MCM8: variants seen among roughly 807,000 people sequenced by gnomAD.
MCM8 encodes the protein minichromosome maintenance 8 homologous recombination repair factor.
Under a neutral mutation model 98.9 loss-of-function variants are expected in MCM8, and 85 were observed. The observed-to-expected ratio is 0.86, with a 90% CI of 0.72 to 1.03. MCM8 has a LOEUF of 1.03. Among genes scored for constraint, MCM8 ranks in the 50% least tolerant of loss-of-function variants. The pLI is 0.00. For missense variants in MCM8, 951 were observed against 997.8 expected (o/e 0.95, Z 0.63); for synonymous variants, 352 against 338.6 (o/e 1.04, Z -0.44).
At position 5,968,009 on chromosome 20, in the gene MCM8, T is replaced by C. The variant is rs1289468446; in HGVS notation, c.1207T>C (p.Phe403Leu). The C allele has an allele frequency of 6.2e-7, 1 of 1,608,742 alleles. No homozygotes were observed. The highest frequency in any genetic ancestry group is 1.7e-5 in the Admixed American group (1 of 58,774). The part of the protein sequence containing the change: ...IQEIQAEENL[F>L]KLIVNSLCPV... ...AGAGATTCAAGCTGAAGAAAACCTGTTTAAACTCATTGTCAAGTATGTATG... is the reference window on the plus strand; with the variant it reads ...AGAGATTCAAGCTGAAGAAAACCTGCTTAAACTCATTGTCAAGTATGTATG... The change falls in exon 10 of 19, where the codon TTT (phenylalanine) becomes CTT (leucine). Residue 403 changes from phenylalanine (F) to leucine (L), a missense_variant. By Grantham distance (22) the Phe-to-Leu change is conservative. Coordinates refer to ENST00000610722, the MANE Select transcript of MCM8 (RefSeq NM_032485.6).
intron 16 of MCM8, 91 bp downstream of exon 16, chr20:5,986,222 C>A: frequency 8.8e-7 from 1 of 1,138,162 alleles, no homozygotes; most frequent in Non-Finnish European, 1.3e-6. Flanking sequence ...GCATAATTGA[C>A]TCCATTTTCC....
intron 8 of MCM8, chr20:5,965,635 AC>A (rs1400847708): frequency 6.6e-6 from 1 of 152,210 alleles, no homozygotes; most frequent in Non-Finnish European, 1.5e-5. Context: ...AATGAAAATG[AC>A]TCAAGCATCA....
intron 5 of MCM8, among the ~76,000 whole-genome samples, chr20:5,956,504 C>A (rs117921196): frequency 0.035 from 5,327 of 152,250 alleles, 126 homozygotes; most frequent in Middle Eastern, 0.1. Flanking sequence ...TGCCTCATTG[C>A]AGCCTCAGCC....
chr20:5,954,788 C>A, intron 4 of MCM8, 98 bp downstream of exon 4: 1 of 741,376 alleles, frequency 1.3e-6, no homozygotes. Context: ...AGTCAGACTT[C>A]CTTGGTTCAG....
intron 17 of MCM8, among the ~76,000 whole-genome samples, chr20:5,988,455 C>G (rs991352759): frequency 6.7e-6 from 1 of 149,636 alleles, no homozygotes; most frequent in East Asian, 2.0e-4. Flanking sequence ...GAGCAAGACT[C>G]TGTCTCAAAA....
At chr20:5,959,369 T>G (rs2089076624) in intron 7 of MCM8, among the ~76,000 whole-genome samples, 1 of 152,268 alleles carries the variant, frequency 6.6e-6, no homozygotes, top group Non-Finnish European at 1.5e-5. Context: ...TTGGCATGTA[T>G]TCTTCAAGTT....
At chr20:5,973,708 G>A (rs2089452161) in intron 12 of MCM8, among the ~76,000 whole-genome samples, 1 of 151,576 alleles carries the variant, frequency 6.6e-6, no homozygotes, top group African/African-American at 2.4e-5. Flanking sequence ...AGGCTGGAGT[G>A]CAGTGGCATG....
intron 14 of MCM8, 152 bp from the exon 15 acceptor site, chr20:5,984,629 G>A (rs1053909116): frequency 1.4e-5 from 9 of 622,772 alleles, no homozygotes; most frequent in Middle Eastern, 4.3e-4. Flanking sequence ...TGGATATATC[G>A]AATCCAAGAA....
chr20:5,965,768 TTTTACTTCTTAGAGTATGC>T (rs11466999), intron 8 of MCM8, among the ~76,000 whole-genome samples: 59,934 of 152,020 alleles, frequency 0.39, 14,171 homozygotes, highest in Non-Finnish European at 0.51. Flanking sequence ...TAAGTGCTGG[TTTTACTTCTTAGAGTATGC>T]CTGTACCATT....
intron 15 of MCM8, among the ~76,000 whole-genome samples, chr20:5,985,429 G>A (rs1226334066): frequency 7.7e-6 from 1 of 129,548 alleles, no homozygotes; most frequent in African/African-American, 3.5e-5. Flanking sequence ...GAGTGACAGA[G>A]CGAGACTGTC....
At chr20:5,975,796 T>C (rs1326118077) in intron 12 of MCM8, among the ~76,000 whole-genome samples, 1 of 138,652 alleles carries the variant, frequency 7.2e-6, no homozygotes, top group Non-Finnish European at 1.6e-5. Context: ...ACGCCTGGCC[T>C]TTTTTTTTTT....
rs746734634 is a variant in MCM8 at position 5,967,911 on chromosome 20, C to T, written c.1109C>T (p.Thr370Ile). The change falls in exon 10 of 19, where the codon ACA becomes ATA. Residue 370 changes from threonine to isoleucine, a missense_variant. Thr to Ile is a moderately conservative substitution (Grantham distance 89). Transcript: ENST00000610722. ...ATTAGTAATAGCAAAGGACAGAAAA[C>T]AAAGAGTTCTGAGGATGGGTGTAAG... ...NSISNSKGQK[T>I]KSSEDGCKHG... 6.2e-7 allele frequency: 1 copy of T among 1,613,942 alleles called. No homozygotes were observed. Among genetic ancestry groups the T allele is most frequent in the Non-Finnish European group, 8.5e-7 (1 of 1,179,894 alleles).
intron 13 of MCM8, among the ~76,000 whole-genome samples, chr20:5,978,909 G>GT (rs1198041562): frequency 5.3e-5 from 8 of 151,954 alleles, no homozygotes; most frequent in East Asian, 1.9e-4. Flanking sequence ...GAACTCATTG[G>GT]TTTTTTTTCA....
At position 5,996,209 on chromosome 20, in the gene MCM8, G is replaced by C. The variant is rs2089954887; in HGVS notation, c.*1818G>C. On this transcript the variant is annotated 3_prime_UTR_variant, in exon 19 of 19. Coordinates refer to ENST00000610722, the MANE Select transcript of MCM8 (RefSeq NM_032485.6). ...AAATCACTTGAGCCCGAGAGTTTGA[G>C]GTTACAGTGAGCTATGATTATACCA... 6.6e-6 allele frequency: 1 copy of C among 152,106 alleles called. No individual in the cohort carries two copies. The highest frequency in any genetic ancestry group is 2.0e-4 in the South Asian group (1 of 4,984). The allele number at this position is 152,106 out of a possible 1,614,324, so 9.4% of individuals were successfully genotyped here.
chr20:5,973,061 TA>T lies in MCM8; in HGVS notation c.1263del (p.Ala422GlnfsTer5). ...CPVIFGHELV[K>X]AGLALALFGG... is the part of the protein sequence containing the mutation. ...GTTCTTTTTTCGCACTTGAGCTTGT[TA>T]AAGCAGGTTTGGCATTAGCACTCTT... On this transcript the variant is annotated frameshift_variant, in exon 12 of 19. Transcript: ENST00000610722. LOFTEE classifies it high-confidence loss of function. The T allele has an allele frequency of 6.2e-7, 1 of 1,614,100 alleles. No homozygotes were observed. Among genetic ancestry groups the T allele is most frequent in the South Asian group, 1.1e-5 (1 of 91,080 alleles).
Position 5,958,668 on chromosome 20 carries a change from C to T in MCM8, c.731C>T (p.Ala244Val), listed in dbSNP as rs370371203. The T allele has an allele frequency of 3.1e-6, 5 of 1,614,036 alleles. No individual in the cohort carries two copies. Among genetic ancestry groups the T allele is most frequent in the African/African-American group, 2.7e-5 (2 of 74,922 alleles). Residue 244 changes from alanine to valine, a missense_variant, in exon 7 of 19, where the codon GCA becomes GTA. Transcript: ENST00000610722. Reference protein sequence around the residue: ...LCTKMAFLCAACGEIQSFPLP... With the variant: ...LCTKMAFLCAVCGEIQSFPLP... ...ACCAAGATGGCTTTTCTTTGTGCTG[C>T]ATGTGGAGAAATTCAGAGCTTTCCT...
At chr20:5,986,509 C>T (rs534162470) in intron 16 of MCM8, among the ~76,000 whole-genome samples, 1 of 152,200 alleles carries the variant, frequency 6.6e-6, no homozygotes, top group African/African-American at 2.4e-5. Flanking sequence ...CATGACAGGT[C>T]CACAAGGATA....
intron 17 of MCM8, among the ~76,000 whole-genome samples, chr20:5,991,769 A>T (rs1412626580): frequency 1.3e-5 from 2 of 152,210 alleles, no homozygotes; most frequent in African/African-American, 4.8e-5. Flanking sequence ...GCCCAGAATC[A>T]TGCCTGTCAT....
At chr20:5,993,476 T>A in intron 17 of MCM8, 30 bp from the exon 18 acceptor site, 2 of 1,493,134 alleles carry the variant, frequency 1.3e-6, no homozygotes, top group Non-Finnish European at 9.0e-7. Flanking sequence ...AGTGCTACAT[T>A]GGGTAATTTT....
Sources: gnomAD v4.1 joint callset for allele counts (sites outside exome capture counted in the v4.1 genomes callset) on GRCh38, gnomAD v4.1.1 for gene constraint, MANE v1.5 for transcripts, NCBI Gene and HGNC (gene_info 2026-07-23, HGNC 2026-07-21) for gene names.